The following ANKHD1 variants were observed in gnomAD, a reference collection of about 807,000 sequenced individuals.
The protein encoded by ANKHD1 is ankyrin repeat and KH domain containing 1, also known as ankyrin repeat and KH domain-containing protein 1.
A neutral mutation model predicts 230.5 loss-of-function variants in ANKHD1; 31 were observed. The observed-to-expected ratio is 0.13, with a 90% CI of 0.10 to 0.18. The LOEUF is 0.18. Among genes scored for constraint, ANKHD1 ranks in the 10% least tolerant of loss-of-function variants. The pLI, the probability that ANKHD1 is intolerant of heterozygous loss-of-function variation, is 1.00. For missense variants in ANKHD1, 2,256 were observed against 3,071.3 expected (o/e 0.73, Z 6.27); for synonymous variants, 1,074 against 1,117.6 (o/e 0.96, Z 0.78).
At chr5:140,523,456 T>C (rs986260805) in intron 24 of ANKHD1, among the ~76,000 whole-genome samples, 65 of 151,756 alleles carry the variant, frequency 4.3e-4, no homozygotes, top group African/African-American at 1.6e-3. Context: ...TGGACTGTCT[T>C]TTCATTCGTG....
intron 1 of ANKHD1, among the ~76,000 whole-genome samples, chr5:140,402,635 C>T (rs968559294): frequency 1.3e-5 from 2 of 152,220 alleles, no homozygotes; most frequent in African/African-American, 4.8e-5. Flanking sequence ...CAAACAGAGA[C>T]AGAGACAGAG....
chr5:140,443,183 G>A (rs527742926), intron 5 of ANKHD1, among the ~76,000 whole-genome samples: 184 of 152,062 alleles, frequency 1.2e-3, no homozygotes, highest in African/African-American at 4.2e-3. Flanking sequence ...GATTATAGGC[G>A]TGAGCCATCG....
chr5:140,457,576 C>T (rs1775300202), intron 7 of ANKHD1, among the ~76,000 whole-genome samples: 1 of 152,008 alleles, frequency 6.6e-6, no homozygotes, highest in African/African-American at 2.4e-5. Context: ...AAGCTGGAAA[C>T]CATCATTCTC....
At chr5:140,486,013 G>GT in intron 13 of ANKHD1, 1 of 326,424 alleles carries the variant, frequency 3.1e-6, no homozygotes, top group Non-Finnish European at 5.4e-6. Context: ...GGTTTTTCAG[G>GT]GTTTTTTATT....
At chr5:140,402,964 C>CTTT (rs56939861) in intron 1 of ANKHD1, among the ~76,000 whole-genome samples, 49 of 73,940 alleles carry the variant, frequency 6.6e-4, no homozygotes, top group East Asian at 8.9e-4. Flanking sequence ...GAAACCTCTT[C>CTTT]TTTTTTTTTT....
intron 10 of ANKHD1, among the ~76,000 whole-genome samples, chr5:140,469,998 A>C (rs535094514): frequency 6.6e-6 from 1 of 152,052 alleles, no homozygotes; most frequent in African/African-American, 2.4e-5. Flanking sequence ...AGGTGCTTGC[A>C]TATTTTAGAA....
intron 7 of ANKHD1, 141 bp downstream of exon 7, chr5:140,449,446 C>T: frequency 1.1e-6 from 1 of 913,998 alleles, no homozygotes; most frequent in Non-Finnish European, 1.6e-6. Flanking sequence ...GGGCGGATCA[C>T]ATGGTCAGGA....
Position 140,524,260 on chromosome 5 carries a change from A to T in ANKHD1, c.4492+20A>T. The T allele has an allele frequency of 7.8e-6, 12 of 1,544,272 alleles. No homozygotes were observed. Among genetic ancestry groups the T allele is most frequent in the Non-Finnish European group, 1.0e-5 (12 of 1,156,040 alleles). On this transcript the variant is annotated intron_variant, in intron 25 of 33. Coordinates refer to ENST00000360839, the MANE Select transcript of ANKHD1 (RefSeq NM_017747.3). ...AAGATGGTGAGAAACAAACCATCTG[A>T]ATTAACGATAAAATTCTCCTTTGTT...
chr5:140,479,715 A>G (rs1751164724), intron 10 of ANKHD1, among the ~76,000 whole-genome samples: 1 of 130,164 alleles, frequency 7.7e-6, no homozygotes, highest in Non-Finnish European at 1.6e-5. Context: ...ATTGATTCCC[A>G]TTATATACAT....
intron 1 of ANKHD1, among the ~76,000 whole-genome samples, chr5:140,413,734 T>C (rs1302070818): frequency 6.6e-6 from 1 of 152,162 alleles, no homozygotes; most frequent in Non-Finnish European, 1.5e-5. Context: ...TGTACACACA[T>C]GCACACTCCC....
At chr5:140,421,296 C>CTTTTTTT (rs35408466) in intron 1 of ANKHD1, among the ~76,000 whole-genome samples, 2 of 94,526 alleles carry the variant, frequency 2.1e-5, no homozygotes, top group African/African-American at 7.5e-5. Context: ...AGAGTTTTTA[C>CTTTTTTT]TTTTTTTTTT....
chr5:140,458,171 T>C (rs983410819), intron 7 of ANKHD1, among the ~76,000 whole-genome samples: 1 of 152,224 alleles, frequency 6.6e-6, no homozygotes, highest in African/African-American at 2.4e-5. Context: ...TTTTTTGCCA[T>C]GCCTTTGTTT....
chr5:140,514,985 A>AG (rs1313940993), intron 24 of ANKHD1, among the ~76,000 whole-genome samples: 1 of 151,054 alleles, frequency 6.6e-6, no homozygotes, highest in East Asian at 1.9e-4. Flanking sequence ...TCTCAAAAAA[A>AG]AAAAGGTCCT....
Position 140,402,075 on chromosome 5 carries a change from G to T in ANKHD1, c.108G>T (p.Gly36=). The T allele has an allele frequency of 6.7e-7, 1 of 1,494,280 alleles. No homozygotes were observed. The highest frequency in any genetic ancestry group is 8.9e-7 in the Non-Finnish European group (1 of 1,126,564). 92.6% of individuals were successfully genotyped at this position (1,494,280 alleles called of 1,614,324 possible). A position where few individuals can be genotyped will look rare whatever the true frequency, so the allele number is the denominator to read the frequency against. Residue 36 remains glycine, a synonymous_variant, in exon 1 of 34, where the codon GGG becomes GGT. Transcript: ENST00000360839. ...AGASEPPPPG[G]VGLGIRTVRL... ...CCTCGGAGCCGCCTCCGCCGGGAGGGGTCGGTCTGGGGATCCGCACCGTGA... is the reference window on the plus strand; with the variant it reads ...CCTCGGAGCCGCCTCCGCCGGGAGGTGTCGGTCTGGGGATCCGCACCGTGA...
rs1006668666 is a variant in ANKHD1 at position 140,466,939 on chromosome 5, A to G, written c.1782+2163A>G. 6.0e-4 allele frequency among the ~76,000 whole-genome samples: 88 copies of G among 146,280 alleles called. No individual in the cohort carries two copies. The Middle Eastern group carries it at 0.011, about 18-fold the overall frequency. On this transcript the variant is annotated intron_variant, in intron 10 of 33. Coordinates refer to ENST00000360839, the MANE Select transcript of ANKHD1 (RefSeq NM_017747.3). ...ACAAGAGTGAAACTCCATCTGGGAG[A>G]AAAAAAAAAAAGGCTCAGATAAATA...
Position 140,441,151 on chromosome 5 carries a change from A to G in ANKHD1, c.913+9A>G. 6.4e-7 allele frequency: 1 copy of G among 1,553,836 alleles called. No homozygotes were observed. The highest frequency in any genetic ancestry group is 1.2e-5 in the South Asian group (1 of 80,960). On this transcript the variant is annotated intron_variant, in intron 5 of 33. Transcript: ENST00000360839. Reference sequence around the variant, plus strand: ...CTCCCAGTCTGCAACAGGTATGTAGAAAATGATGTATTAATTGGGAGAAAA... The same window carrying G: ...CTCCCAGTCTGCAACAGGTATGTAGGAAATGATGTATTAATTGGGAGAAAA...
chr5:140,531,552 A>G (rs1753817668), intron 29 of ANKHD1, among the ~76,000 whole-genome samples: 1 of 151,988 alleles, frequency 6.6e-6, no homozygotes, highest in African/African-American at 2.4e-5. Context: ...CAGCACTCCA[A>G]GCCTGAACAA....
rs1457346737 is a variant in ANKHD1 at position 140,506,401 on chromosome 5, T to C, written c.3409-434T>C. Among the ~76,000 whole-genome samples the C allele has an allele frequency of 6.6e-6, 1 of 152,158 alleles. No homozygotes were observed. The highest frequency in any genetic ancestry group is 2.4e-5 in the African/African-American group (1 of 41,440). Reference sequence around the variant, plus strand: ...GCCTTGAACTCCTGGCCTCAAGGGATCCTCCTGCCTTGGCCTCCCAAAGTG... The same window carrying C: ...GCCTTGAACTCCTGGCCTCAAGGGACCCTCCTGCCTTGGCCTCCCAAAGTG... On this transcript the variant is annotated intron_variant, in intron 18 of 33. Coordinates refer to ENST00000360839, the MANE Select transcript of ANKHD1 (RefSeq NM_017747.3). The surrounding 1 kb of genome is among the most constrained non-coding windows in gnomAD (Gnocchi z 4.7).
At chr5:140,462,114 A>T in intron 9 of ANKHD1, among the ~76,000 whole-genome samples, 1 of 150,068 alleles carries the variant, frequency 6.7e-6, no homozygotes. Context: ...TATCCTTTGG[A>T]TTTTCTATAA....
Sources: allele counts gnomAD v4.1 joint callset (sites outside exome capture counted in the v4.1 genomes callset), GRCh38; gene constraint gnomAD v4.1.1; non-coding constraint Gnocchi (gnomAD v3.1); transcripts MANE v1.5; gene names NCBI Gene and HGNC (gene_info 2026-07-23, HGNC 2026-07-21).